MYO1E: variants seen among roughly 807,000 people sequenced by gnomAD.
The protein encoded by MYO1E is myosin IE.
In MYO1E, 68 loss-of-function variants were observed where a neutral mutation model predicts 151.1. That is an observed-to-expected ratio of 0.45 (90% CI 0.37 to 0.55). The LOEUF (loss-of-function observed/expected upper bound fraction) is 0.55, where lower values mean the gene tolerates loss of function less well. MYO1E is among the 20% of genes least tolerant of loss of function. The pLI, the probability that MYO1E is intolerant of heterozygous loss-of-function variation, is 0.00. For synonymous variants in MYO1E, 601 were observed against 501.7 expected, an observed-to-expected ratio of 1.20 and a Z score of -2.64; for missense variants, 1,363 against 1,389.3, an observed-to-expected ratio of 0.98 and a Z score of 0.30.
intron 1 of MYO1E, among the ~76,000 whole-genome samples, chr15:59,344,008 CT>C (rs1251129672): frequency 1.3e-5 from 2 of 152,134 alleles, no homozygotes; most frequent in African/African-American, 4.8e-5. Context: ...GGATTGACCC[CT>C]GGTCAATTTA....
intron 4 of MYO1E, among the ~76,000 whole-genome samples, 200 bp from the exon 5 acceptor site, chr15:59,236,872 G>C (rs2080070100): frequency 6.6e-6 from 1 of 152,210 alleles, no homozygotes; most frequent in African/African-American, 2.4e-5. Context: ...ACCCGTGTGA[G>C]CCGGATTAAC....
At chr15:59,236,914 C>T (rs541840132) in intron 4 of MYO1E, among the ~76,000 whole-genome samples, 29 of 152,288 alleles carry the variant, frequency 1.9e-4, no homozygotes, top group Admixed American at 9.8e-4. Flanking sequence ...GTGCACACCA[C>T]TGACCATTAA....
At chr15:59,200,797 G>T (rs1289524639) in intron 16 of MYO1E, among the ~76,000 whole-genome samples, 1 of 152,128 alleles carries the variant, frequency 6.6e-6, no homozygotes, top group East Asian at 1.9e-4. Context: ...AATCTCTTAA[G>T]ATAGACACTA....
intron 1 of MYO1E, among the ~76,000 whole-genome samples, chr15:59,319,253 G>A (rs1182685037): frequency 2.6e-5 from 4 of 152,186 alleles, no homozygotes; most frequent in African/African-American, 9.7e-5. Flanking sequence ...GGAGGTTGCA[G>A]TGAGCTGAGA....
chr15:59,312,984 C>T lies in MYO1E; in HGVS notation c.4-40535G>A, dbSNP rs1326010829. Among the ~76,000 whole-genome samples, 3 of 152,274 alleles carry T rather than the reference C, an allele frequency of 2.0e-5. No individual in the cohort carries two copies. In the East Asian group the frequency reaches 5.8e-4, roughly 29 times the overall value. ...TGAACCCGGGAGGCGGAGATCACGC[C>T]ATTGCACTGCAACATCTTGGGCCCC... On this transcript the variant is annotated intron_variant, in intron 1 of 27. Coordinates refer to ENST00000288235, the MANE Select transcript of MYO1E (RefSeq NM_004998.4).
intron 1 of MYO1E, among the ~76,000 whole-genome samples, chr15:59,327,760 G>C (rs1208422260): frequency 6.6e-6 from 1 of 152,168 alleles, no homozygotes; most frequent in African/African-American, 2.4e-5. Flanking sequence ...CAGCTATAGA[G>C]TGGGGCAAAG....
intron 4 of MYO1E, among the ~76,000 whole-genome samples, chr15:59,254,687 C>T (rs1450688700): frequency 4.7e-5 from 7 of 149,954 alleles, no homozygotes; most frequent in African/African-American, 1.5e-4. Flanking sequence ...TTTTTTTTTT[C>T]CCAAAAATGT....
chr15:59,177,168 A>C (rs1306670968), intron 19 of MYO1E, among the ~76,000 whole-genome samples: 2 of 152,222 alleles, frequency 1.3e-5, no homozygotes, highest in African/African-American at 4.8e-5. Context: ...GGCGAATGAC[A>C]CAACATTTTC....
intron 16 of MYO1E, among the ~76,000 whole-genome samples, chr15:59,196,510 C>T (rs1298637865): frequency 6.6e-6 from 1 of 152,092 alleles, no homozygotes; most frequent in African/African-American, 2.4e-5. Flanking sequence ...GAAAAAAAGC[C>T]AAAAGGGACC....
intron 1 of MYO1E, among the ~76,000 whole-genome samples, chr15:59,341,943 C>A (rs1352015791): frequency 4.6e-5 from 7 of 152,290 alleles, no homozygotes; most frequent in South Asian, 2.1e-4. Context: ...AGGAACCGCC[C>A]TTCTGTTCTC....
chr15:59,289,016 A>G (rs1369787097), intron 1 of MYO1E, among the ~76,000 whole-genome samples: 1 of 152,208 alleles, frequency 6.6e-6, no homozygotes, highest in Non-Finnish European at 1.5e-5. Context: ...GAACCCTAAA[A>G]TATTGTAGCT....
At chr15:59,145,122 C>T (rs540402699) in intron 26 of MYO1E, among the ~76,000 whole-genome samples, 61 of 152,206 alleles carry the variant, frequency 4.0e-4, no homozygotes, top group African/African-American at 1.3e-3. Context: ...GGATTACAGG[C>T]GTGAGCCACC....
At chr15:59,297,275 ATT>A (rs1163064375) in intron 1 of MYO1E, among the ~76,000 whole-genome samples, 5 of 138,634 alleles carry the variant, frequency 3.6e-5, no homozygotes, top group Admixed American at 7.3e-5. Flanking sequence ...ATTTGTCAGA[ATT>A]TTTTTTTTTT....
chr15:59,358,995 G>T (rs1332235877), intron 1 of MYO1E, among the ~76,000 whole-genome samples: 1 of 151,990 alleles, frequency 6.6e-6, no homozygotes, highest in African/African-American at 2.4e-5. Context: ...ACCACATTGG[G>T]GATTTATGAA....
chr15:59,281,212 G>T (rs1275977850), intron 1 of MYO1E, among the ~76,000 whole-genome samples: 2 of 152,010 alleles, frequency 1.3e-5, no homozygotes, highest in African/African-American at 4.8e-5. Flanking sequence ...CGATATGTCT[G>T]CCCTGGGATT....
intron 25 of MYO1E, among the ~76,000 whole-genome samples, chr15:59,156,067 G>A (rs868277828): frequency 6.6e-6 from 1 of 152,222 alleles, no homozygotes; most frequent in African/African-American, 2.4e-5. Context: ...CTGTTACTCA[G>A]GCTGGAGTGC....
At chr15:59,249,448 G>C (rs1406202344) in intron 4 of MYO1E, among the ~76,000 whole-genome samples, 1 of 148,496 alleles carries the variant, frequency 6.7e-6, no homozygotes, top group Non-Finnish European at 1.5e-5. Flanking sequence ...AATCCGATTT[G>C]TTACACTCAT....
intron 1 of MYO1E, among the ~76,000 whole-genome samples, chr15:59,337,628 C>T (rs1428665008): frequency 2.0e-5 from 3 of 152,270 alleles, no homozygotes; most frequent in South Asian, 2.1e-4. Context: ...GTCAAGAGTT[C>T]GAAACCAGCC....
chr15:59,230,264 G>A (rs2080020180), intron 6 of MYO1E, among the ~76,000 whole-genome samples: 1 of 151,492 alleles, frequency 6.6e-6, no homozygotes, highest in Admixed American at 6.6e-5. Context: ...GCAGGTGAAT[G>A]TGTGTCTGAA....
Sources: gnomAD v4.1 joint callset for allele counts (sites outside exome capture counted in the v4.1 genomes callset) on GRCh38, gnomAD v4.1.1 for gene constraint, MANE v1.5 for transcripts, NCBI Gene and HGNC (gene_info 2026-07-23, HGNC 2026-07-21) for gene names.